Variants in GASK1A observed in about 807,000 individuals in gnomAD.
GASK1A encodes Golgi-associated kinase 1A.
Under a neutral mutation model 41.2 loss-of-function variants are expected in GASK1A, and 40 were observed. The ratio of observed to expected loss-of-function variants is 0.97; its 90% CI spans 0.75 to 1.27. The LOEUF (loss-of-function observed/expected upper bound fraction) is 1.27, where lower values mean the gene tolerates loss of function less well. Ranked by LOEUF, GASK1A falls within the 50% of genes most tolerant of loss-of-function variation. GASK1A has a pLI of 0.00. For missense variants in GASK1A, 678 were observed against 745.1 expected, an observed-to-expected ratio of 0.91 and a Z score of 1.05; for synonymous variants, 316 against 307.1, an observed-to-expected ratio of 1.03 and a Z score of -0.30.
chr3:42,985,072 T>C (rs956776508), intron 1 of GASK1A, among the ~76,000 whole-genome samples: 1 of 152,140 alleles, frequency 6.6e-6, no homozygotes, highest in Non-Finnish European at 1.5e-5. Context: ...AGGGAGTGTT[T>C]GGTGAAGGGA....
chr3:43,049,112 C>G (rs2089676975), intron 2 of GASK1A, among the ~76,000 whole-genome samples: 2 of 152,034 alleles, frequency 1.3e-5, no homozygotes, highest in Admixed American at 1.3e-4. Context: ...GTGCAGGGTA[C>G]TTGGATTGTT....
chr3:43,031,933 G>A (rs6805495), intron 1 of GASK1A, among the ~76,000 whole-genome samples: 3 of 152,224 alleles, frequency 2.0e-5, no homozygotes, highest in East Asian at 1.9e-4. Context: ...TTGGTGATGG[G>A]GACAGACGTG....
At chr3:43,037,785 G>T (rs571397368) in intron 2 of GASK1A, among the ~76,000 whole-genome samples, 8 of 152,208 alleles carry the variant, frequency 5.3e-5, no homozygotes, top group African/African-American at 1.7e-4. Flanking sequence ...ACAAATTTTG[G>T]CAGTCTTTAA....
In GASK1A at chr3:43,057,196, T is replaced by A. The variant is rs2089720450; in HGVS notation, c.*810T>A. ...ATTCCAAGGCAGGGATGTGTCATATTTTCTTTAGCTGGTCCCATAATCATG... is the reference window on the plus strand; with the variant it reads ...ATTCCAAGGCAGGGATGTGTCATATATTCTTTAGCTGGTCCCATAATCATG... On this transcript the variant is annotated 3_prime_UTR_variant, in exon 5 of 5. Coordinates refer to ENST00000430121, the MANE Select transcript of GASK1A (RefSeq NM_001129908.3). The A allele has an allele frequency of 6.6e-6, 1 of 152,256 alleles. No homozygotes were observed. The highest frequency in any genetic ancestry group is 6.5e-5 in the Admixed American group (1 of 15,290). 9.4% of individuals were successfully genotyped at this position (152,256 alleles called of 1,614,324 possible).
At chr3:43,030,691 A>G (rs142936460) in intron 1 of GASK1A, among the ~76,000 whole-genome samples, 189 of 152,240 alleles carry the variant, frequency 1.2e-3, no homozygotes, top group African/African-American at 4.3e-3. Flanking sequence ...AGCCTTGCTG[A>G]TTTATCACAA....
chr3:43,032,733 G>T lies in GASK1A; in HGVS notation c.470G>T (p.Gly157Val). The T allele has an allele frequency of 6.4e-7, 1 of 1,551,484 alleles. No individual in the cohort carries two copies. The change falls in exon 2 of 5, where the codon GGC becomes GTC. Residue 157 changes from glycine to valine, a missense_variant. Gly to Val is a moderately radical substitution (Grantham distance 109, BLOSUM62 -3). Coordinates refer to ENST00000430121, the MANE Select transcript of GASK1A (RefSeq NM_001129908.3). The stretch of plus-strand genomic sequence containing the variant: ...AAAGACCTGGGCCACCCCCAGCATG[G>T]CAGTCCCATCCAGGAGACACAGAGT... The part of the protein sequence containing the change: ...GTKDLGHPQH[G>V]SPIQETQSEV...
chr3:43,003,492 C>CAAAAA (rs34122767), intron 1 of GASK1A, among the ~76,000 whole-genome samples: 1 of 95,512 alleles, frequency 1.0e-5, no homozygotes, highest in African/African-American at 4.2e-5. Context: ...GAGACTGTCT[C>CAAAAA]AAAAAAAAAA....
chr3:43,003,169 G>A (rs138854883), intron 1 of GASK1A, among the ~76,000 whole-genome samples: 20 of 152,160 alleles, frequency 1.3e-4, no homozygotes, highest in Non-Finnish European at 2.4e-4. Context: ...GAATAAATAT[G>A]CATTTTTAAA....
At chr3:43,044,476 C>T (rs1362233871) in intron 2 of GASK1A, among the ~76,000 whole-genome samples, 2 of 152,310 alleles carry the variant, frequency 1.3e-5, no homozygotes, top group East Asian at 1.9e-4. Context: ...TAACAACCGC[C>T]TCCTGCTTTA....
intron 2 of GASK1A, among the ~76,000 whole-genome samples, chr3:43,051,400 C>T (rs1397300695): frequency 6.6e-6 from 1 of 152,154 alleles, no homozygotes; most frequent in Non-Finnish European, 1.5e-5. Flanking sequence ...TGAGGCATCT[C>T]CAACACGTAT....
intron 1 of GASK1A, among the ~76,000 whole-genome samples, chr3:43,011,541 G>A (rs1219104322): frequency 6.6e-6 from 1 of 152,256 alleles, no homozygotes; most frequent in East Asian, 1.9e-4. Flanking sequence ...AGTCAAGGCT[G>A]TGTGAAGCCA....
At chr3:43,005,539 A>C (rs942336130) in intron 1 of GASK1A, among the ~76,000 whole-genome samples, 2 of 152,136 alleles carry the variant, frequency 1.3e-5, no homozygotes, top group African/African-American at 4.8e-5. Flanking sequence ...TCAGATGGCT[A>C]TTGGAGTACT....
chr3:43,041,195 G>T (rs537753518), intron 2 of GASK1A, among the ~76,000 whole-genome samples: 8 of 150,814 alleles, frequency 5.3e-5, no homozygotes, highest in Admixed American at 4.0e-4. Context: ...ACATGTGCAC[G>T]TGTCTTTATA....
intron 2 of GASK1A, among the ~76,000 whole-genome samples, chr3:43,035,075 T>G (rs2089598144): frequency 1.3e-5 from 2 of 152,196 alleles, no homozygotes; most frequent in African/African-American, 2.4e-5. Context: ...GCATGGGCCT[T>G]GGCATCAGAC....
intron 2 of GASK1A, among the ~76,000 whole-genome samples, chr3:43,035,548 A>G (rs375637360): frequency 6.6e-6 from 1 of 152,116 alleles, no homozygotes; most frequent in Admixed American, 6.5e-5. Flanking sequence ...CACAGTGGTA[A>G]TTGCTGTCTC....
chr3:42,997,006 G>C (rs1036709725), intron 1 of GASK1A, among the ~76,000 whole-genome samples: 2 of 152,244 alleles, frequency 1.3e-5, no homozygotes, highest in Non-Finnish European at 2.9e-5. Context: ...GCCCTGTGCA[G>C]AACTGCACAT....
intron 1 of GASK1A, among the ~76,000 whole-genome samples, chr3:43,026,399 C>G (rs934120567): frequency 3.9e-5 from 6 of 152,124 alleles, no homozygotes; most frequent in Admixed American, 3.3e-4. Flanking sequence ...TGCAGAGATA[C>G]TGTGAGAAAA....
In GASK1A at chr3:43,053,608, C is replaced by T. The variant is rs1485241348; in HGVS notation, c.1378C>T (p.Gln460Ter). Residue 460 changes from glutamine (Q) to a stop codon, truncating the protein, a stop_gained, in exon 3 of 5, where the codon CAG (glutamine) becomes TAG (stop). Coordinates refer to ENST00000430121, the MANE Select transcript of GASK1A (RefSeq NM_001129908.3). LOFTEE classifies it high-confidence loss of function. ...GGAAGAGAGGCTCCGAGAGAAATGC[C>T]AGAACCCAGCCGAGCTGCGGCTGGT... is the stretch of plus-strand genomic sequence containing the variant. ...CVEERLREKC[Q>*]NPAELRLVHI... 146 of 1,551,586 alleles carry T rather than the reference C, an allele frequency of 9.4e-5. 1 individual carries two copies. The highest frequency in any genetic ancestry group is 2.1e-4 in the African/African-American group (15 of 73,046).
At chr3:43,048,945 C>T (rs553724197) in intron 2 of GASK1A, among the ~76,000 whole-genome samples, 2 of 152,264 alleles carry the variant, frequency 1.3e-5, no homozygotes, top group East Asian at 1.9e-4. Context: ...GAGACTAACT[C>T]TGGTTAACAT....
Sources: gnomAD v4.1 joint callset for allele counts (sites outside exome capture counted in the v4.1 genomes callset) on GRCh38, gnomAD v4.1.1 for gene constraint, MANE v1.5 for transcripts, NCBI Gene and HGNC (gene_info 2026-07-23, HGNC 2026-07-21) for gene names.